The following MORC3 variants were observed in gnomAD, a reference collection of about 807,000 sequenced individuals.
MORC3 encodes the protein MORC family CW-type zinc finger 3.
MORC3 carries 31 observed loss-of-function variants against 109.1 expected under a neutral mutation model. That is an observed-to-expected ratio of 0.28 (90% CI 0.21 to 0.38). The LOEUF is 0.38. Ranked by LOEUF, MORC3 falls within the 10% of genes least tolerant of loss-of-function variation. The probability of loss-of-function intolerance (pLI) is 1.00; values close to 1 mark genes in which losing one functional copy is unlikely to be tolerated. For synonymous variants in MORC3, 395 were observed against 380.7 expected (o/e 1.04, Z -0.44); for missense variants, 867 against 1,135.8 (o/e 0.76, Z 3.40).
rs1601514924 is a variant in MORC3, at chr21:36,335,151, T to C, written c.112+1433T>C. Among the ~76,000 whole-genome samples, 3 of 151,802 alleles carry C rather than the reference T, an allele frequency of 2.0e-5. No homozygotes were observed. The East Asian group carries it at 5.8e-4, about 29-fold the overall frequency. On this transcript the variant is annotated intron_variant, in intron 2 of 16. Coordinates refer to ENST00000400485, the MANE Select transcript of MORC3 (RefSeq NM_015358.3). Reference sequence around the variant, plus strand: ...AAGGAAAAGAAAAAGAAAAGAAAAATTCATGCACACAAACATAAGCCTAAT... The same window carrying C: ...AAGGAAAAGAAAAAGAAAAGAAAAACTCATGCACACAAACATAAGCCTAAT...
chr21:36,320,509 GTGTTTC>G, intron 1 of MORC3: 1 of 415,158 alleles, frequency 2.4e-6, no homozygotes, highest in South Asian at 1.1e-4. Flanking sequence ...CCTCTGCATT[GTGTTTC>G]TGTTTTGCTT....
At position 36,364,087 on chromosome 21, in the gene MORC3, C is replaced by T; in HGVS notation, c.1453-6C>T. ...CCTTTAAGGTGATGATTTTTCCCTCCAACAGATTAATGCTGAACTGTTGTT... is the reference window on the plus strand; with the variant it reads ...CCTTTAAGGTGATGATTTTTCCCTCTAACAGATTAATGCTGAACTGTTGTT... On this transcript the variant is annotated splice_region_variant and splice_polypyrimidine_tract_variant and intron_variant, in intron 13 of 16. Coordinates refer to ENST00000400485, the MANE Select transcript of MORC3 (RefSeq NM_015358.3). The T allele has an allele frequency of 1.2e-6, 2 of 1,609,762 alleles. No homozygotes were observed. Among genetic ancestry groups the T allele is most frequent in the African/African-American group, 1.3e-5 (1 of 74,636 alleles).
intron 10 of MORC3, 80 bp downstream of exon 10, chr21:36,356,804 T>C: frequency 1.1e-6 from 1 of 878,556 alleles, no homozygotes; most frequent in Non-Finnish European, 1.7e-6. Flanking sequence ...GTACAATGTT[T>C]CACAAACTTA....
In MORC3 at chr21:36,344,239, GA is replaced by G. The variant is rs1270043331; in HGVS notation, c.757-336del. 2.6e-5 allele frequency among the ~76,000 whole-genome samples: 4 copies of G among 151,932 alleles called. No homozygotes were observed. In the South Asian group the frequency reaches 8.3e-4, roughly 31 times the overall value. ...GCCTCCATACTTGACAGAAAAATCA[GA>G]AAATGTACCTTTTTGTACATATATA... On this transcript the variant is annotated intron_variant, in intron 6 of 16. Transcript: ENST00000400485.
chr21:36,337,056 G>A, intron 3 of MORC3, 50 bp downstream of exon 3: 1 of 1,581,918 alleles, frequency 6.3e-7, no homozygotes. Context: ...TTACCTAAAG[G>A]GTTTTCCATG....
intron 1 of MORC3, among the ~76,000 whole-genome samples, chr21:36,328,657 A>G (rs570508777): frequency 6.6e-6 from 1 of 151,978 alleles, no homozygotes; most frequent in South Asian, 2.1e-4. Context: ...TTGTATTTTT[A>G]ATAGAGACAG....
intron 9 of MORC3, among the ~76,000 whole-genome samples, chr21:36,354,323 C>CTTTTTTTTTTTTTTTTTTTT (rs144208712): frequency 8.8e-6 from 1 of 113,654 alleles, no homozygotes; most frequent in South Asian, 2.8e-4. Flanking sequence ...TTCTTTCTTT[C>CTTTTTTTTTTTTTTTTTTTT]TTTTTTTTTT....
chr21:36,364,280 T>G (rs1347627252), intron 14 of MORC3, 21 bp downstream of exon 14: 2 of 1,608,966 alleles, frequency 1.2e-6, no homozygotes, highest in Non-Finnish European at 1.7e-6. Flanking sequence ...AAGATTGGTT[T>G]TCCATTTGGG....
At chr21:36,365,657 A>G (rs548909049) in intron 14 of MORC3, among the ~76,000 whole-genome samples, 13 of 152,188 alleles carry the variant, frequency 8.5e-5, no homozygotes, top group South Asian at 6.2e-4. Flanking sequence ...TCTCAACTCA[A>G]TGCAACCTCC....
intron 7 of MORC3, 68 bp downstream of exon 7, chr21:36,344,775 T>A (rs2085489410): frequency 6.3e-7 from 1 of 1,591,802 alleles, no homozygotes; most frequent in Non-Finnish European, 8.6e-7. Flanking sequence ...CCTTTCCCCT[T>A]ATATGCTGAT....
In MORC3 at chr21:36,348,429, T is replaced by C. The variant is rs1307143892; in HGVS notation, c.1006-882T>C. On this transcript the variant is annotated intron_variant, in intron 8 of 16. Coordinates refer to ENST00000400485, the MANE Select transcript of MORC3 (RefSeq NM_015358.3). Reference sequence around the variant, plus strand: ...TTTCTTTTTTTGTCTTTTTGAAAGATGGAGTTTTACTCTTGTTGCCCAGGC... The same window carrying C: ...TTTCTTTTTTTGTCTTTTTGAAAGACGGAGTTTTACTCTTGTTGCCCAGGC... Among the ~76,000 whole-genome samples the C allele has an allele frequency of 3.3e-5, 5 of 152,184 alleles. No homozygotes were observed. The South Asian group carries it at 1.0e-3, about 32-fold the overall frequency.
chr21:36,369,003 T>TTAG lies in MORC3; in HGVS notation c.1636_1637insAGT (p.Leu545_Ser546insTer). The TTAG allele has an allele frequency of 6.2e-7, 1 of 1,609,236 alleles. No individual in the cohort carries two copies. The highest frequency in any genetic ancestry group is 8.5e-7 in the Non-Finnish European group (1 of 1,177,058). ...TTTTTTTCAGCTTGAAACGGAGACT[T>TTAG]TCTACTCGTTCCTCAATTTTGAATG... On this transcript the variant is annotated stop_gained and inframe_insertion, in exon 15 of 17. Transcript: ENST00000400485. LOFTEE classifies it high-confidence loss of function.
intron 8 of MORC3, among the ~76,000 whole-genome samples, chr21:36,346,039 G>T (rs1012545007): frequency 1.3e-5 from 2 of 151,838 alleles, no homozygotes; most frequent in African/African-American, 4.8e-5. Context: ...TTTATTTTTT[G>T]AGATGGAGTC....
intron 9 of MORC3, among the ~76,000 whole-genome samples, chr21:36,351,993 T>C (rs1195071079): frequency 6.6e-6 from 1 of 152,030 alleles, no homozygotes; most frequent in Non-Finnish European, 1.5e-5. Flanking sequence ...CAGTCTCTTA[T>C]CATAGAATTA....
At chr21:36,360,405 A>G (rs938129527) in intron 12 of MORC3, 147 bp downstream of exon 12, 15 of 744,728 alleles carry the variant, frequency 2.0e-5, no homozygotes, top group Non-Finnish European at 3.0e-5. Context: ...AAGGGCTTTA[A>G]AAACAAAAAC....
chr21:36,368,874 C>T, intron 14 of MORC3, 114 bp from the exon 15 acceptor site: 2 of 1,047,170 alleles, frequency 1.9e-6, no homozygotes, highest in Middle Eastern at 3.2e-4. Context: ...GACACTCCAT[C>T]TCAAAAAACA....
At chr21:36,344,328 TAATA>T (rs1386561103) in intron 6 of MORC3, among the ~76,000 whole-genome samples, 6 of 152,232 alleles carry the variant, frequency 3.9e-5, no homozygotes, top group Admixed American at 6.5e-5. Context: ...TTTCACTTAG[TAATA>T]AATATATCAG....
At chr21:36,357,744 TG>T (rs141493915) in intron 10 of MORC3, among the ~76,000 whole-genome samples, 5 of 147,876 alleles carry the variant, frequency 3.4e-5, no homozygotes, top group Non-Finnish European at 5.9e-5. Context: ...TTTTTTTTTT[TG>T]GTTTTTTTTT....
At chr21:36,335,869 C>T (rs1267419560) in intron 2 of MORC3, among the ~76,000 whole-genome samples, 1 of 152,132 alleles carries the variant, frequency 6.6e-6, no homozygotes, top group Non-Finnish European at 1.5e-5. Flanking sequence ...GTGTACCTTC[C>T]ATTGACACTC....
Sources: gnomAD v4.1 joint callset for allele counts (sites outside exome capture counted in the v4.1 genomes callset) on GRCh38, gnomAD v4.1.1 for gene constraint, MANE v1.5 for transcripts, NCBI Gene and HGNC (gene_info 2026-07-23, HGNC 2026-07-21) for gene names.